The following GRM5 variants were observed in gnomAD, a reference collection of about 807,000 sequenced individuals.
GRM5 encodes the protein glutamate metabotropic receptor 5.
GRM5 carries 19 observed loss-of-function variants against 83.1 expected under a neutral mutation model. That is an observed-to-expected ratio of 0.23 (90% CI 0.16 to 0.34). The LOEUF (loss-of-function observed/expected upper bound fraction) is 0.34. GRM5 is among the 10% of genes least tolerant of loss of function. The pLI, the probability that GRM5 is intolerant of heterozygous loss-of-function variation, is 1.00. For missense variants in GRM5, 1,160 were observed against 1,588.3 expected, an observed-to-expected ratio of 0.73 and a Z score of 4.58; for synonymous variants, 675 against 633.6, an observed-to-expected ratio of 1.07 and a Z score of -0.98.
intron 3 of GRM5, among the ~76,000 whole-genome samples, chr11:88,812,080 C>A (rs140631886): frequency 4.6e-5 from 7 of 152,068 alleles, no homozygotes; most frequent in Non-Finnish European, 8.8e-5. Context: ...TCCCTTGCTT[C>A]GGAAGTTCTG....
chr11:88,768,872 T>C (rs1237568390), intron 3 of GRM5, among the ~76,000 whole-genome samples: 1 of 152,006 alleles, frequency 6.6e-6, no homozygotes, highest in African/African-American at 2.4e-5. Flanking sequence ...CCAGAAGGTG[T>C]GTAGCCCAGA....
intron 7 of GRM5, among the ~76,000 whole-genome samples, chr11:88,570,969 C>T (rs927416267): frequency 6.6e-6 from 1 of 151,968 alleles, no homozygotes; most frequent in African/African-American, 2.4e-5. Context: ...AGGTCATGTG[C>T]TGCTAACGTC....
intron 2 of GRM5, chr11:88,912,110 A>C (rs1490087687): frequency 6.8e-6 from 3 of 438,658 alleles, no homozygotes; most frequent in East Asian, 1.5e-4. Flanking sequence ...AAAATGACCA[A>C]ATGAAGAGTA....
intron 2 of GRM5, among the ~76,000 whole-genome samples, chr11:88,978,593 GGC>G (rs1765365728): frequency 6.6e-6 from 1 of 150,634 alleles, no homozygotes; most frequent in African/African-American, 2.4e-5. Flanking sequence ...AGTCGCATGT[GGC>G]TTACAAGGAT....
chr11:88,986,409 C>A (rs1459136579), intron 2 of GRM5, among the ~76,000 whole-genome samples: 1 of 152,102 alleles, frequency 6.6e-6, no homozygotes, highest in East Asian at 1.9e-4. Flanking sequence ...TGATGGAACA[C>A]TTCTCTTTCT....
intron 8 of GRM5, among the ~76,000 whole-genome samples, chr11:88,542,255 G>A (rs1434787666): frequency 6.6e-6 from 1 of 152,132 alleles, no homozygotes; most frequent in African/African-American, 2.4e-5. Context: ...ACAGTTAGAT[G>A]AGGCAAAGCC....
At chr11:88,875,298 T>G (rs1470813160) in intron 2 of GRM5, among the ~76,000 whole-genome samples, 1 of 152,034 alleles carries the variant, frequency 6.6e-6, no homozygotes, top group African/African-American at 2.4e-5. Flanking sequence ...AGCACATTCT[T>G]TGCTTATCTA....
intron 2 of GRM5, among the ~76,000 whole-genome samples, chr11:88,947,134 T>G (rs1398069686): frequency 6.6e-6 from 1 of 152,182 alleles, no homozygotes; most frequent in Admixed American, 6.6e-5. Flanking sequence ...AATGAGAGGT[T>G]GCAATGAGAA....
chr11:88,567,005 G>T lies in GRM5; in HGVS notation c.2630+48C>A, dbSNP rs769775364. The T allele has an allele frequency of 1.6e-6, 2 of 1,218,334 alleles. No homozygotes were observed. The highest frequency in any genetic ancestry group is 1.4e-5 in the South Asian group (1 of 70,920). 75.5% of individuals were successfully genotyped at this position (1,218,334 alleles called of 1,614,324 possible). Reference sequence around the variant, plus strand: ...AAAGACCCAGGAAACACATGCCTCTGCTCCAGTTTTAGGGGCCAGCATCCC... The same window carrying T: ...AAAGACCCAGGAAACACATGCCTCTTCTCCAGTTTTAGGGGCCAGCATCCC... On this transcript the variant is annotated intron_variant, in intron 8 of 9. Coordinates refer to ENST00000305447, the MANE Select transcript of GRM5 (RefSeq NM_001143831.3). This position sits in a 1 kb window ranked among gnomAD's most constrained non-coding sequence, Gnocchi z 7.3.
At chr11:88,527,671 CA>C (rs1249438094) in intron 8 of GRM5, among the ~76,000 whole-genome samples, 1 of 152,114 alleles carries the variant, frequency 6.6e-6, no homozygotes, top group Non-Finnish European at 1.5e-5. Context: ...TTCACTATAA[CA>C]AAGTCATGGA....
At chr11:88,737,604 GC>G (rs1941945127) in intron 3 of GRM5, among the ~76,000 whole-genome samples, 1 of 152,020 alleles carries the variant, frequency 6.6e-6, no homozygotes, top group African/African-American at 2.4e-5. Flanking sequence ...GTACTGACAT[GC>G]CAGTATGGAG....
chr11:88,955,481 T>A (rs1938581188), intron 2 of GRM5, among the ~76,000 whole-genome samples: 1 of 152,192 alleles, frequency 6.6e-6, no homozygotes, highest in Non-Finnish European at 1.5e-5. Context: ...CTCATGTAAT[T>A]ATAAAATTAA....
chr11:89,053,050 T>C (rs1941793610), intron 1 of GRM5, among the ~76,000 whole-genome samples: 1 of 152,120 alleles, frequency 6.6e-6, no homozygotes, highest in Admixed American at 6.5e-5. Context: ...AAATGAAAGA[T>C]ACTACCAATG....
chr11:88,537,616 T>C (rs887308754), intron 8 of GRM5, among the ~76,000 whole-genome samples: 13 of 152,154 alleles, frequency 8.5e-5, no homozygotes, highest in Non-Finnish European at 1.8e-4. Context: ...TTTAAAAAGA[T>C]CAATATTATG....
At chr11:88,577,241 T>C (rs1943131399) in intron 7 of GRM5, among the ~76,000 whole-genome samples, 1 of 152,152 alleles carries the variant, frequency 6.6e-6, no homozygotes, top group African/African-American at 2.4e-5. Context: ...CAAGCCTATT[T>C]GTTCCTAAAT....
At chr11:88,960,767 G>C (rs1372960539) in intron 2 of GRM5, among the ~76,000 whole-genome samples, 2 of 152,106 alleles carry the variant, frequency 1.3e-5, no homozygotes, top group African/African-American at 4.8e-5. Context: ...TGGAAGTAAA[G>C]GAGACCACTA....
intron 3 of GRM5, among the ~76,000 whole-genome samples, chr11:88,833,129 A>G (rs1565252783): frequency 2.0e-5 from 3 of 152,162 alleles, no homozygotes. Flanking sequence ...GTTTTAAACC[A>G]AAAAGCTTCT....
chr11:88,919,258 C>A lies in GRM5; in HGVS notation c.662-69103G>T, dbSNP rs7924854. On this transcript the variant is annotated intron_variant, in intron 2 of 9. Coordinates refer to ENST00000305447, the MANE Select transcript of GRM5 (RefSeq NM_001143831.3). ...AGTAGCTATATATATATATATATAT[C>A]GGATAAAATAGATTTTAAGACAATA... Among the ~76,000 whole-genome samples, 72 of 22,924 alleles carry A rather than the reference C, an allele frequency of 3.1e-3. 6 individuals carry two copies. Among genetic ancestry groups the A allele is most frequent in the African/African-American group, 4.0e-3 (44 of 10,872 alleles). The allele number at this position is 22,924 out of a possible 152,430, so 15.0% of individuals were successfully genotyped here. A position where few individuals can be genotyped will look rare whatever the true frequency, so the allele number is the denominator to read the frequency against.
chr11:88,917,817 C>T (rs1358611816), intron 2 of GRM5, among the ~76,000 whole-genome samples: 1 of 151,884 alleles, frequency 6.6e-6, no homozygotes, highest in African/African-American at 2.4e-5. Flanking sequence ...AAAAATGAAG[C>T]ATGCCTACAA....
Sources: gnomAD v4.1 joint callset for allele counts (sites outside exome capture counted in the v4.1 genomes callset) on GRCh38, gnomAD v4.1.1 for gene constraint, Gnocchi (gnomAD v3.1) non-coding constraint, MANE v1.5 for transcripts, NCBI Gene and HGNC (gene_info 2026-07-23, HGNC 2026-07-21) for gene names.